The following FAM9A variants were observed in gnomAD, a reference collection of about 807,000 sequenced individuals.
FAM9A encodes family with sequence similarity 9 member A, also known as protein FAM9A.
A neutral mutation model predicts 25.0 loss-of-function variants in FAM9A; 49 were observed. The observed-to-expected ratio is 1.96, with a 90% CI of 1.56 to 2.48. The LOEUF (loss-of-function observed/expected upper bound fraction) is 2.48. FAM9A is among the 30% of genes most tolerant of loss of function. FAM9A has a pLI of 0.00. For missense variants in FAM9A, 266 were observed against 249.3 expected (o/e 1.07, Z -0.45); for synonymous variants, 80 against 85.1 (o/e 0.94, Z 0.33).
chrX:8,796,497 G>A lies in FAM9A; in HGVS notation c.374-115C>T, dbSNP rs1453828681. 3 of 481,763 alleles carry A rather than the reference G, an allele frequency of 6.2e-6. No homozygotes were observed. The African/African-American group carries it at 7.4e-5, about 12-fold the overall frequency. The allele number at this position is 481,763 out of a possible 1,213,427, so 39.7% of individuals were successfully genotyped here. A position where few individuals can be genotyped will look rare whatever the true frequency, so the allele number is the denominator to read the frequency against. On this transcript the variant is annotated intron_variant, in intron 5 of 9. Coordinates refer to ENST00000381003, the MANE Select transcript of FAM9A (RefSeq NM_174951.3). ...GCAATATCGGAAGGACATTTACATTGTAAAATACAAAGATCATTTCAAAAA... is the reference window on the plus strand; with the variant it reads ...GCAATATCGGAAGGACATTTACATTATAAAATACAAAGATCATTTCAAAAA...
At chrX:8,798,510 T>C in intron 3 of FAM9A, 31 bp from the exon 4 acceptor site, 1 of 1,200,205 alleles carries the variant, frequency 8.3e-7, no homozygotes, top group Non-Finnish European at 1.1e-6. Context: ...CAAACCATTT[T>C]TAGAGGAAGA....
At chrX:8,794,859 C>G (rs1445280094) in intron 7 of FAM9A, among the ~76,000 whole-genome samples, 3 of 111,903 alleles carry the variant, frequency 2.7e-5, no homozygotes, top group African/African-American at 9.8e-5. Flanking sequence ...ACAAATATGC[C>G]AACCGGGCTC....
intron 7 of FAM9A, among the ~76,000 whole-genome samples, chrX:8,794,480 C>G (rs1477671389): frequency 9.0e-6 from 1 of 111,395 alleles, no homozygotes; most frequent in Non-Finnish European, 1.9e-5. Flanking sequence ...GCCCATGGTT[C>G]CCGAGCTAGC....
In FAM9A at chrX:8,796,320, T is replaced by G. The variant is rs143523323; in HGVS notation, c.436A>C (p.Arg146=). Residue 146 remains arginine, a synonymous_variant, in exon 6 of 10, where the codon AGG becomes CGG. Transcript: ENST00000381003. ...EMIKIDKAAY[R]KTKNTIERAL... ...CGTTCAATTGTGTTCTTGGTTTTCC[T>G]GTAAGCTGCTTTATCTATTTTTATC... 2.9e-4 allele frequency: 353 copies of G among 1,205,060 alleles called. No individual in the cohort carries two copies. The African/African-American group carries it at 4.4e-3, about 15-fold the overall frequency.
chrX:8,795,286 TCTGCTGCTGCTGCGGCTTCTGCTG>T lies in FAM9A; in HGVS notation c.599_622del (p.Ala200_Ala207del), dbSNP rs1462953205. 13 of 1,195,590 alleles carry T rather than the reference TCTGCTGCTGCTGCGGCTTCTGCTG, an allele frequency of 1.1e-5. No homozygotes were observed. The highest frequency in any genetic ancestry group is 1.5e-5 in the Non-Finnish European group (13 of 888,700). On this transcript the variant is annotated inframe_deletion, in exon 7 of 10. Transcript: ENST00000381003. Reference sequence around the variant, plus strand: ...TACTTCTGCTGCTGCTGCTGCGGCTTCTGCTGCTGCTGCGGCTTCTGCTGCTGCTGCTGCGGCTTCTGCTTCTTC... The same window carrying T: ...TACTTCTGCTGCTGCTGCTGCGGCTTCTGCTGCTGCGGCTTCTGCTTCTTC...
In FAM9A at chrX:8,790,850, G is replaced by A. The variant is rs754387829; in HGVS notation, c.*354C>T. ...CCGTGCTTTCTACGTTTTTGAAACT[G>A]ATACAGATCCACAGAGGTGAACTGA... On this transcript the variant is annotated 3_prime_UTR_variant, in exon 10 of 10. Coordinates refer to ENST00000381003, the MANE Select transcript of FAM9A (RefSeq NM_174951.3). 1 of 112,914 alleles carries A rather than the reference G, an allele frequency of 8.9e-6. No individual in the cohort carries two copies. Among genetic ancestry groups the A allele is most frequent in the African/African-American group, 3.2e-5 (1 of 30,933 alleles). The allele number at this position is 112,914 out of a possible 1,213,427, so 9.3% of individuals were successfully genotyped here. A position where few individuals can be genotyped will look rare whatever the true frequency, so the allele number is the denominator to read the frequency against.
rs763228848 is a variant in FAM9A at position 8,796,369 on chromosome X, C to G, written c.387G>C (p.Lys129Asn). 2.0e-5 allele frequency: 24 copies of G among 1,176,723 alleles called. No homozygotes were observed. The South Asian group carries it at 3.4e-4, about 17-fold the overall frequency. Residue 129 changes from lysine (K) to asparagine (N), a missense_variant, in exon 6 of 10, where the codon AAG (lysine) becomes AAC (asparagine). Transcript: ENST00000381003. Reference protein sequence around the residue: ...KLEHIAADIKKGLAAKREMIK... With the variant: ...KLEHIAADIKNGLAAKREMIK... ...TCATTTCTCTTTTTGCAGCAAGGCC[C>G]TTTTTAATGTCAGCTAGATAGTAAA...
At chrX:8,794,919 G>T (rs974969427) in intron 7 of FAM9A, among the ~76,000 whole-genome samples, 159 bp downstream of exon 7, 4 of 111,788 alleles carry the variant, frequency 3.6e-5, no homozygotes, top group African/African-American at 1.3e-4. Context: ...GACCCCTAAT[G>T]CTGCGTGGCA....
At chrX:8,796,732 C>T (rs1326022267) in intron 5 of FAM9A, among the ~76,000 whole-genome samples, 1 of 111,603 alleles carries the variant, frequency 9.0e-6, no homozygotes, top group African/African-American at 3.3e-5. Flanking sequence ...GACATGTTTC[C>T]ATGAAATACT....
intron 7 of FAM9A, among the ~76,000 whole-genome samples, 195 bp downstream of exon 7, chrX:8,794,880 CTTT>C (rs1933508411): frequency 8.9e-6 from 1 of 112,015 alleles, no homozygotes; most frequent in Non-Finnish European, 1.9e-5. Flanking sequence ...ACTTTAACTT[CTTT>C]ATCGCTATGA....
chrX:8,792,939 C>T (rs781534392), intron 8 of FAM9A, among the ~76,000 whole-genome samples: 4 of 112,472 alleles, frequency 3.6e-5, no homozygotes, highest in East Asian at 2.8e-4. Context: ...CAATTCACAA[C>T]GTGTTAATAA....
intron 3 of FAM9A, 56 bp downstream of exon 3, chrX:8,798,909 GA>G: frequency 3.3e-6 from 4 of 1,207,537 alleles, no homozygotes; most frequent in Non-Finnish European, 3.4e-6. Flanking sequence ...GCAAAGAGCA[GA>G]CAGACCGTCC....
intron 1 of FAM9A, among the ~76,000 whole-genome samples, chrX:8,801,025 G>A (rs113675063): frequency 3.3e-5 from 3 of 89,778 alleles, no homozygotes; most frequent in African/African-American, 1.3e-4. Flanking sequence ...TCAGGGCCTC[G>A]CCCTGACCCA....
intron 7 of FAM9A, 148 bp downstream of exon 7, chrX:8,794,930 A>T: frequency 1.1e-6 from 1 of 888,805 alleles, no homozygotes; most frequent in Non-Finnish European, 1.5e-6. Context: ...CTGCGTGGCA[A>T]TTATATTCCC....
At chrX:8,798,522 G>T (rs376479459) in intron 3 of FAM9A, 43 bp from the exon 4 acceptor site, 17 of 1,190,871 alleles carry the variant, frequency 1.4e-5, no homozygotes, top group Non-Finnish European at 1.8e-5. Context: ...AGAGGAAGAC[G>T]CTGTTGTGGA....
At position 8,800,026 on chromosome X, in the gene FAM9A, C is replaced by T. The variant is rs1933586345; in HGVS notation, c.91+55G>A. 10 of 1,158,000 alleles carry T rather than the reference C, an allele frequency of 8.6e-6. No individual in the cohort carries two copies. In the African/African-American group the frequency reaches 9.2e-5, roughly 11 times the overall value. On this transcript the variant is annotated intron_variant, in intron 2 of 9. Coordinates refer to ENST00000381003, the MANE Select transcript of FAM9A (RefSeq NM_174951.3). ...CCACAAAGGGGCCAGGGGTCTCGGGCTGCCCATGTGCCCCCCGCGCAGAGA... is the reference window on the plus strand; with the variant it reads ...CCACAAAGGGGCCAGGGGTCTCGGGTTGCCCATGTGCCCCCCGCGCAGAGA...
Position 8,791,524 on chromosome X carries a change from A to G in FAM9A, c.931-145T>C, listed in dbSNP as rs111365607. 81 of 430,176 alleles carry G rather than the reference A, an allele frequency of 1.9e-4. 1 individual carries two copies. The highest frequency in any genetic ancestry group is 1.7e-3 in the African/African-American group (67 of 39,961). 35.5% of individuals were successfully genotyped at this position (430,176 alleles called of 1,213,427 possible). A position where few individuals can be genotyped will look rare whatever the true frequency, so the allele number is the denominator to read the frequency against. On this transcript the variant is annotated intron_variant, in intron 8 of 9. Coordinates refer to ENST00000381003, the MANE Select transcript of FAM9A (RefSeq NM_174951.3). ...TTCAATTTGAAAAAAACTGTAACCA[A>G]TACATGGAGCTCCAAATACCCACTT... is the stretch of plus-strand genomic sequence containing the variant.
At position 8,795,146 on chromosome X, in the gene FAM9A, C is replaced by G. The variant is rs755174732; in HGVS notation, c.763G>C (p.Gly255Arg). The G allele has an allele frequency of 4.2e-5, 45 of 1,083,430 alleles. No individual in the cohort carries two copies. Among genetic ancestry groups the G allele is most frequent in the Non-Finnish European group, 5.5e-5 (44 of 799,908 alleles). 89.3% of individuals were successfully genotyped at this position (1,083,430 alleles called of 1,213,427 possible). A position where few individuals can be genotyped will look rare whatever the true frequency, so the allele number is the denominator to read the frequency against. ...TCTTCTGTTTCTTCTCCTTCTCCTC[C>G]TCCTCCTCCTTCTTCTCCTTCTTCT... ...GGEEGEEGGG[G>R]GEGEETEEEE... Residue 255 changes from glycine (G) to arginine (R), a missense_variant, in exon 7 of 10, where the codon GGA becomes CGA. By Grantham distance (125) the Gly-to-Arg change is moderately radical. Coordinates refer to ENST00000381003, the MANE Select transcript of FAM9A (RefSeq NM_174951.3).
At chrX:8,794,215 T>G (rs1389381631) in intron 7 of FAM9A, among the ~76,000 whole-genome samples, 2 of 111,555 alleles carry the variant, frequency 1.8e-5, no homozygotes, top group African/African-American at 3.3e-5. Flanking sequence ...CCAACAACAG[T>G]GTTCTCCTCT....
Sources: gnomAD v4.1 joint callset for allele counts (sites outside exome capture counted in the v4.1 genomes callset) on GRCh38, gnomAD v4.1.1 for gene constraint, MANE v1.5 for transcripts, NCBI Gene and HGNC (gene_info 2026-07-23, HGNC 2026-07-21) for gene names.